DLG4: variants seen among roughly 807,000 people sequenced by gnomAD.
The protein encoded by DLG4 is disks large homolog 4.
A neutral mutation model predicts 93.8 loss-of-function variants in DLG4; 7 were observed. The ratio of observed to expected loss-of-function variants is 0.07; its 90% CI spans 0.04 to 0.14. The LOEUF is 0.14. Among genes scored for constraint, DLG4 ranks in the 10% least tolerant of loss-of-function variants. DLG4 has a pLI of 1.00. For missense variants in DLG4, 545 were observed against 992.9 expected (o/e 0.55, Z 6.06); for synonymous variants, 341 against 387.6 (o/e 0.88, Z 1.41).
Position 7,193,231 on chromosome 17 carries a change from G to T in DLG4, c.1694-114C>A. ...CCAGCTGGTCCTTTGGTGAAAGGGA[G>T]CTGCCAGGGAGACCAAGACTGCAGA... is the stretch of plus-strand genomic sequence containing the variant. On this transcript the variant is annotated intron_variant, in intron 16 of 19. Transcript: ENST00000399506. This position sits in a 1 kb window ranked among gnomAD's most constrained non-coding sequence, Gnocchi z 6.7. The T allele has an allele frequency of 6.8e-7, 1 of 1,466,600 alleles. No homozygotes were observed. The allele number at this position is 1,466,600 out of a possible 1,614,324, so 90.8% of individuals were successfully genotyped here.
chr17:7,219,594 C>T, upstream of DLG4: 1 of 1,165,748 alleles, frequency 8.6e-7, no homozygotes, highest in Non-Finnish European at 1.1e-6. Context: ...ATCTACCTTA[C>T]ACTTCTCTTT....
At chr17:7,192,410 C>T (rs1030009058) in intron 17 of DLG4, 7 of 163,476 alleles carry the variant, frequency 4.3e-5, no homozygotes, top group African/African-American at 5.3e-5. Flanking sequence ...GAGGGGAGGA[C>T]GGACAGAGGA....
upstream of DLG4, chr17:7,218,360 G>A: frequency 6.6e-7 from 1 of 1,504,900 alleles, no homozygotes; most frequent in Non-Finnish European, 9.1e-7. Flanking sequence ...ACCGCTGCTG[G>A]CTGGCTGGCA....
At position 7,193,794 on chromosome 17, in the gene DLG4, G is replaced by C; in HGVS notation, c.1543+50C>G. On this transcript the variant is annotated intron_variant, in intron 14 of 19. Transcript: ENST00000399506. This position sits in a 1 kb window ranked among gnomAD's most constrained non-coding sequence, Gnocchi z 6.7. ...TGTCTCCCCCTTGAGGATATCAAAA[G>C]CAACTCAGTGCTCCTCTCACCCACA... The C allele has an allele frequency of 3.7e-6, 6 of 1,611,774 alleles. No homozygotes were observed. The highest frequency in any genetic ancestry group is 5.1e-6 in the Non-Finnish European group (6 of 1,178,966).
rs763963965 is a variant in DLG4, at chr17:7,196,895, C to T, written c.945G>A (p.Val315=). 6.2e-7 allele frequency: 1 copy of T among 1,613,876 alleles called. No individual in the cohort carries two copies. Residue 315 remains valine (V), a synonymous_variant, in exon 9 of 20, where the codon GTG becomes GTA. Transcript: ENST00000399506. The surrounding 1 kb of genome is among the most constrained non-coding windows in gnomAD (Gnocchi z 8.3). Reference sequence around the variant, plus strand: ...CCAGGCCCGTGGAGCCCCGGTGGATCACAATTCGCCTCGGTTCTCGGGGAA... The same window carrying T: ...CCAGGCCCGTGGAGCCCCGGTGGATTACAATTCGCCTCGGTTCTCGGGGAA... ...EDIPREPRRI[V]IHRGSTGLGF...
intron 8 of DLG4, among the ~76,000 whole-genome samples, chr17:7,197,733 C>A (rs1263518952): frequency 6.6e-6 from 1 of 152,184 alleles, no homozygotes; most frequent in Non-Finnish European, 1.5e-5. Context: ...GATCCACCCG[C>A]TTATGCCTCC....
upstream of DLG4, chr17:7,219,857 G>C: frequency 6.5e-7 from 1 of 1,538,982 alleles, no homozygotes; most frequent in Non-Finnish European, 8.7e-7. Context: ...ATGCCCCGGG[G>C]CCCGCAACCG....
chr17:7,207,143 G>T (rs1288758613), intron 2 of DLG4, among the ~76,000 whole-genome samples: 1 of 151,960 alleles, frequency 6.6e-6, no homozygotes, highest in Non-Finnish European at 1.5e-5. Flanking sequence ...TATGGCAGAG[G>T]TGAGAACCCA....
chr17:7,212,324 G>A (rs1166399807), intron 1 of DLG4, among the ~76,000 whole-genome samples: 9 of 152,186 alleles, frequency 5.9e-5, no homozygotes, highest in Non-Finnish European at 1.3e-4. Context: ...TTCTTCAAGA[G>A]TTTAAGGAAC....
chr17:7,196,641 C>T lies in DLG4; in HGVS notation c.1084-66G>A, dbSNP rs2069802272. ...GCAGCACTTCTGGGTCCAGGTGGAG[C>T]AGGGAGTGGTCCCGCAAGAGGACTC... On this transcript the variant is annotated intron_variant, in intron 9 of 19. Transcript: ENST00000399506. The surrounding 1 kb of genome is among the most constrained non-coding windows in gnomAD (Gnocchi z 8.3). 1.2e-6 allele frequency: 2 copies of T among 1,600,232 alleles called. No individual in the cohort carries two copies. The highest frequency in any genetic ancestry group is 1.7e-6 in the Non-Finnish European group (2 of 1,170,884).
chr17:7,200,321 A>T, intron 8 of DLG4, among the ~76,000 whole-genome samples: 1 of 152,138 alleles, frequency 6.6e-6, no homozygotes. Context: ...TTCCATCCAG[A>T]GACACGGTGT....
intron 1 of DLG4, chr17:7,211,629 C>T: frequency 4.2e-6 from 4 of 960,930 alleles, no homozygotes; most frequent in Non-Finnish European, 3.7e-6. Flanking sequence ...GAAGGGGGAG[C>T]GGGCCGGAGC....
intron 17 of DLG4, among the ~76,000 whole-genome samples, 172 bp downstream of exon 17, chr17:7,192,760 GAGAGAGCAGGGGC>G (rs1164767046): frequency 6.6e-6 from 1 of 151,796 alleles, no homozygotes; most frequent in African/African-American, 2.4e-5. Flanking sequence ...GGAGGTGGGA[GAGAGAGCAGGGGC>G]AGAGAGCAGG....
At position 7,195,429 on chromosome 17, in the gene DLG4, G is replaced by C. The variant is rs1223500322; in HGVS notation, c.1301+791C>G. Among the ~76,000 whole-genome samples the C allele has an allele frequency of 6.6e-6, 1 of 152,182 alleles. No individual in the cohort carries two copies. Among genetic ancestry groups the C allele is most frequent in the African/African-American group, 2.4e-5 (1 of 41,438 alleles). On this transcript the variant is annotated intron_variant, in intron 11 of 19. Coordinates refer to ENST00000399506, the MANE Select transcript of DLG4 (RefSeq NM_001321075.3). The surrounding 1 kb of genome is among the most constrained non-coding windows in gnomAD (Gnocchi z 4.3). ...GGGCTCAGGTGGGAGCCAGTGTCTG[G>C]GTGGCTGGTGATGCCATCCAACAAG...
At chr17:7,210,599 G>A (rs1446102203) in intron 1 of DLG4, among the ~76,000 whole-genome samples, 1 of 152,208 alleles carries the variant, frequency 6.6e-6, no homozygotes, top group Non-Finnish European at 1.5e-5. Flanking sequence ...CCTGGGCAGT[G>A]CACAAGCTGA....
chr17:7,208,305 T>C lies in DLG4; in HGVS notation c.31-66A>G, dbSNP rs178471. The C allele has an allele frequency of 0.54, 699,908 of 1,285,226 alleles. 193,089 individuals are homozygous for C. The highest frequency in any genetic ancestry group is 0.64 in the Middle Eastern group (2,670 of 4,146). 79.6% of individuals were successfully genotyped at this position (1,285,226 alleles called of 1,614,324 possible). The stretch of plus-strand genomic sequence containing the variant: ...GCCTCAGGCTCCAGGCTGGCCGCCC[T>C]GGCCGCCGCCTCTTCCCCCAGCCAG... On this transcript the variant is annotated intron_variant, in intron 1 of 19. Coordinates refer to ENST00000399506, the MANE Select transcript of DLG4 (RefSeq NM_001321075.3). The surrounding 1 kb of genome is among the most constrained non-coding windows in gnomAD (Gnocchi z 5.4).
chr17:7,199,265 T>C (rs2069985933), intron 8 of DLG4, among the ~76,000 whole-genome samples: 2 of 151,910 alleles, frequency 1.3e-5, no homozygotes. Context: ...AGTGGTGCGA[T>C]CTTGGCTCAC....
At chr17:7,206,438 G>A (rs2070467237) in intron 2 of DLG4, among the ~76,000 whole-genome samples, 1 of 151,778 alleles carries the variant, frequency 6.6e-6, no homozygotes, top group South Asian at 2.1e-4. Context: ...CATGCTTATG[G>A]CCTCCAACAC....
At chr17:7,205,022 G>A (rs2070384367) in intron 2 of DLG4, 6 of 985,282 alleles carry the variant, frequency 6.1e-6, no homozygotes, top group Admixed American at 1.2e-4. Flanking sequence ...GAGCGCAGAA[G>A]GGATCCGCTA....
Sources: gnomAD v4.1 joint callset for allele counts (sites outside exome capture counted in the v4.1 genomes callset) on GRCh38, gnomAD v4.1.1 for gene constraint, Gnocchi (gnomAD v3.1) non-coding constraint, MANE v1.5 for transcripts, NCBI Gene and HGNC (gene_info 2026-07-23, HGNC 2026-07-21) for gene names.